Variants in CADPS2 observed in about 807,000 individuals in gnomAD.
The protein encoded by CADPS2 is calcium dependent secretion activator 2, also known as calcium-dependent secretion activator 2.
CADPS2 carries 93 observed loss-of-function variants against 172.5 expected under a neutral mutation model. The observed-to-expected ratio is 0.54, with a 90% CI of 0.46 to 0.64. The LOEUF (loss-of-function observed/expected upper bound fraction) is 0.64, where lower values mean the gene tolerates loss of function less well. Among genes scored for constraint, CADPS2 ranks in the 30% least tolerant of loss-of-function variants. CADPS2 has a pLI of 0.00. For missense variants in CADPS2, 1,420 were observed against 1,565.9 expected (o/e 0.91, Z 1.57); for synonymous variants, 546 against 555.2 (o/e 0.98, Z 0.23).
At chr7:122,515,001 C>T (rs571044717) in intron 8 of CADPS2, among the ~76,000 whole-genome samples, 1 of 152,006 alleles carries the variant, frequency 6.6e-6, no homozygotes, top group Non-Finnish European at 1.5e-5. Flanking sequence ...CTTCTTTATT[C>T]CCTGAAAATT....
chr7:122,697,684 C>T (rs546715392), intron 2 of CADPS2: 221 of 878,008 alleles, frequency 2.5e-4, no homozygotes, highest in Middle Eastern at 2.0e-3. Flanking sequence ...ACTGAAGTAA[C>T]AAAAAAGGAC....
chr7:122,557,947 C>T (rs1267579776), intron 7 of CADPS2, among the ~76,000 whole-genome samples: 1 of 152,148 alleles, frequency 6.6e-6, no homozygotes, highest in Non-Finnish European at 1.5e-5. Flanking sequence ...CTTTACCCCA[C>T]TTTATTCCAC....
At chr7:122,502,414 T>A (rs2059278554) in intron 9 of CADPS2, among the ~76,000 whole-genome samples, 2 of 152,060 alleles carry the variant, frequency 1.3e-5, no homozygotes, top group African/African-American at 4.8e-5. Context: ...TTCCTCTTTA[T>A]CTTCTATTAT....
chr7:122,662,640 T>A (rs55921314), intron 3 of CADPS2, among the ~76,000 whole-genome samples: 5,058 of 152,206 alleles, frequency 0.033, 270 homozygotes, highest in African/African-American at 0.12. Flanking sequence ...TCCCAAAGCA[T>A]TGGGTTACAG....
In CADPS2 at chr7:122,702,540, C is replaced by A. The variant is rs765749720; in HGVS notation, c.453+34415G>T. On this transcript the variant is annotated intron_variant, in intron 2 of 29. Transcript: ENST00000449022. ...TCAGGAAGTGCCACCACACCAGACA[C>A]CCTTTCCAGAGGAGAATGATTCCCG... The A allele has an allele frequency of 8.7e-6, 14 of 1,613,586 alleles. No homozygotes were observed. The highest frequency in any genetic ancestry group is 1.2e-5 in the Non-Finnish European group (14 of 1,179,674).
At chr7:122,648,589 A>T (rs1404979573) in intron 3 of CADPS2, among the ~76,000 whole-genome samples, 1 of 152,046 alleles carries the variant, frequency 6.6e-6, no homozygotes. Context: ...CTAATCAGAG[A>T]AGCCACATCA....
intron 9 of CADPS2, among the ~76,000 whole-genome samples, chr7:122,506,983 G>T (rs718764): frequency 0.26 from 39,491 of 151,946 alleles, 5,350 homozygotes; most frequent in East Asian, 0.34. Flanking sequence ...ACCAGGCAGT[G>T]TTTAAAATTC....
chr7:122,737,380 C>T (rs1043776130), intron 1 of CADPS2, among the ~76,000 whole-genome samples: 6 of 152,094 alleles, frequency 3.9e-5, no homozygotes, highest in East Asian at 3.9e-4. Flanking sequence ...CCTGCCATCA[C>T]GCCTTGCTAA....
At chr7:122,614,174 G>C (rs2133843579) in intron 6 of CADPS2, among the ~76,000 whole-genome samples, 1 of 152,166 alleles carries the variant, frequency 6.6e-6, no homozygotes, top group East Asian at 1.9e-4. Flanking sequence ...CGGGGGAACA[G>C]AGGGAGAAGG....
At chr7:122,594,172 C>A (rs1048888200) in intron 6 of CADPS2, among the ~76,000 whole-genome samples, 1 of 151,890 alleles carries the variant, frequency 6.6e-6, no homozygotes, top group Admixed American at 6.6e-5. Flanking sequence ...TAGCAGCACA[C>A]ATCTGTAATC....
At chr7:122,326,637 G>A (rs1028991086) in intron 28 of CADPS2, among the ~76,000 whole-genome samples, 12 of 151,858 alleles carry the variant, frequency 7.9e-5, no homozygotes, top group African/African-American at 2.9e-4. Context: ...GATCACATAT[G>A]TGTGTGCATA....
At chr7:122,823,918 C>T (rs1804110149) in intron 1 of CADPS2, among the ~76,000 whole-genome samples, 1 of 152,122 alleles carries the variant, frequency 6.6e-6, no homozygotes, top group East Asian at 1.9e-4. Flanking sequence ...AAAAAAAGCT[C>T]ACTGGGAGTT....
chr7:122,367,626 T>A (rs1401034656), intron 25 of CADPS2, among the ~76,000 whole-genome samples: 1 of 142,286 alleles, frequency 7.0e-6, no homozygotes, highest in Non-Finnish European at 1.5e-5. Flanking sequence ...TTCACTGCAA[T>A]CTCTGCCTCC....
At chr7:122,595,176 C>A (rs1006908403) in intron 6 of CADPS2, among the ~76,000 whole-genome samples, 1 of 151,404 alleles carries the variant, frequency 6.6e-6, no homozygotes, top group African/African-American at 2.4e-5. Context: ...AAAAAAAATC[C>A]TTTCAAATGT....
chr7:122,653,580 T>G (rs2135062070), intron 3 of CADPS2, among the ~76,000 whole-genome samples: 1 of 152,368 alleles, frequency 6.6e-6, no homozygotes, highest in Non-Finnish European at 1.5e-5. Flanking sequence ...AGTTTCTCTT[T>G]ATTGCACTTT....
chr7:122,661,562 T>A (rs1209406821), intron 3 of CADPS2, among the ~76,000 whole-genome samples: 1 of 152,118 alleles, frequency 6.6e-6, no homozygotes, highest in Non-Finnish European at 1.5e-5. Flanking sequence ...TTCTTTCAAA[T>A]CTCAGAACTG....
intron 2 of CADPS2, among the ~76,000 whole-genome samples, chr7:122,733,168 A>C (rs1463546924): frequency 6.6e-6 from 1 of 151,858 alleles, no homozygotes; most frequent in Non-Finnish European, 1.5e-5. Flanking sequence ...ATATATATCT[A>C]GCATCTTCAA....
chr7:122,606,663 T>TA (rs1260466188), intron 6 of CADPS2, among the ~76,000 whole-genome samples: 1 of 152,102 alleles, frequency 6.6e-6, no homozygotes, highest in Non-Finnish European at 1.5e-5. Context: ...AGGCTTTTTT[T>TA]AATACTCTAA....
chr7:122,787,979 A>G (rs1794431764), intron 1 of CADPS2, among the ~76,000 whole-genome samples: 1 of 152,208 alleles, frequency 6.6e-6, no homozygotes, highest in Admixed American at 6.5e-5. Context: ...CCTGACAAAT[A>G]GAACTCAAAG....
Sources: allele counts gnomAD v4.1 joint callset (sites outside exome capture counted in the v4.1 genomes callset), GRCh38; gene constraint gnomAD v4.1.1; transcripts MANE v1.5; gene names NCBI Gene and HGNC (gene_info 2026-07-23, HGNC 2026-07-21).